The following PXDN variants were observed in gnomAD, a reference collection of about 807,000 sequenced individuals.
PXDN encodes the protein peroxidasin homolog.
Under a neutral mutation model 140.3 loss-of-function variants are expected in PXDN, and 77 were observed. That is an observed-to-expected ratio of 0.55 (90% CI 0.46 to 0.66). The LOEUF (loss-of-function observed/expected upper bound fraction) is 0.66, where lower values mean the gene tolerates loss of function less well. Ranked by LOEUF, PXDN falls within the 30% of genes least tolerant of loss-of-function variation. PXDN has a pLI of 0.00. For synonymous variants in PXDN, 911 were observed against 857.4 expected (o/e 1.06, Z -1.09); for missense variants, 1,838 against 2,039.5 (o/e 0.90, Z 1.90).
intron 1 of PXDN, among the ~76,000 whole-genome samples, chr2:1,716,362 C>T (rs966847373): frequency 2.5e-4 from 35 of 140,112 alleles, no homozygotes; most frequent in African/African-American, 6.6e-4. Flanking sequence ...CACTTGAACC[C>T]GGGAGGTGGA....
At chr2:1,644,585 G>A (rs752320605) in intron 18 of PXDN, 33 bp downstream of exon 18, 22 of 1,559,902 alleles carry the variant, frequency 1.4e-5, no homozygotes, top group Non-Finnish European at 1.7e-5. Flanking sequence ...GGTGGCTTAG[G>A]AGCGTGCTCC....
chr2:1,705,988 A>C (rs1684596159), intron 1 of PXDN, among the ~76,000 whole-genome samples: 1 of 115,984 alleles, frequency 8.6e-6, no homozygotes, highest in Non-Finnish European at 1.7e-5. Flanking sequence ...TCAGGCATCC[A>C]TGTGGCTTGG....
intron 1 of PXDN, among the ~76,000 whole-genome samples, chr2:1,703,552 G>A (rs1270043440): frequency 4.5e-3 from 50 of 11,134 alleles, no homozygotes; most frequent in African/African-American, 5.7e-3. Flanking sequence ...AGGGGGGGCA[G>A]CTCCAGGTGA....
Position 1,680,334 on chromosome 2 carries a change from C to T in PXDN, c.589G>A (p.Asp197Asn), listed in dbSNP as rs760063762. The T allele has an allele frequency of 3.7e-6, 6 of 1,613,910 alleles. No homozygotes were observed. The highest frequency in any genetic ancestry group is 2.7e-5 in the African/African-American group (2 of 74,930). Residue 197 changes from aspartate to asparagine, a missense_variant, in exon 7 of 23, where the codon GAC (aspartate) becomes AAC (asparagine). Asp to Asn is a conservative substitution (Grantham distance 23). Transcript: ENST00000252804. The stretch of plus-strand genomic sequence containing the variant: ...TCCGCCAACCACAGGATTTCACAGT[C>T]GCAGTGAAGTGTGTTTGAGTCCAGT... ...LRLDSNTLHC[D>N]CEILWLADLL...
At chr2:1,680,117 A>AGGTGGTGTGTGTGTG (rs1683855000) in intron 7 of PXDN, 76 bp downstream of exon 7, 12 of 1,385,628 alleles carry the variant, frequency 8.7e-6, no homozygotes, top group African/African-American at 2.9e-5. Context: ...TTGTGTGTGT[A>AGGTGGTGTGTGTGTG]GATGGTGTGT....
At chr2:1,681,730 C>G (rs796925293) in intron 6 of PXDN, among the ~76,000 whole-genome samples, 8 of 152,338 alleles carry the variant, frequency 5.3e-5, no homozygotes, top group African/African-American at 1.9e-4. Flanking sequence ...CAGCCACGTG[C>G]CCAGGGCACC....
rs1401106372 is a variant in PXDN at position 1,635,449 on chromosome 2, T to C, written c.4279A>G (p.Thr1427Ala). 1 of 1,601,524 alleles carries C rather than the reference T, an allele frequency of 6.2e-7. No individual in the cohort carries two copies. Among genetic ancestry groups the C allele is most frequent in the Non-Finnish European group, 8.5e-7 (1 of 1,173,502 alleles). The change falls in exon 22 of 23, where the codon ACC (threonine) becomes GCC (alanine). Residue 1427 changes from threonine to alanine, a missense_variant. Thr to Ala is a moderately conservative substitution (Grantham distance 58, BLOSUM62 0). Around this residue, in one of 5 missense-constraint regions of PXDN, gnomAD observed 850 missense variants for 894.1 expected, o/e 0.95. Transcript: ENST00000252804. ...GTGCATGCATCTTTTTTCCACTTGGTGTTGTTGGCGTGAGATTCGCCCCCG... is the reference window on the plus strand; with the variant it reads ...GTGCATGCATCTTTTTTCCACTTGGCGTTGTTGGCGTGAGATTCGCCCCCG... Reference protein sequence around the residue: ...DAGGESHANNTKWKKDACTIC... With the variant: ...DAGGESHANNAKWKKDACTIC...
intron 1 of PXDN, among the ~76,000 whole-genome samples, chr2:1,742,553 C>T (rs533990420): frequency 4.6e-5 from 7 of 152,344 alleles, no homozygotes; most frequent in Admixed American, 4.6e-4. Flanking sequence ...ATGTTATTTT[C>T]AACAAGCAAT....
intron 1 of PXDN, among the ~76,000 whole-genome samples, chr2:1,697,904 G>A (rs1455809997): frequency 2.0e-5 from 3 of 152,234 alleles, no homozygotes; most frequent in African/African-American, 7.2e-5. Context: ...TTGGCATGAT[G>A]AGCATGGAGA....
Position 1,651,237 on chromosome 2 carries a change from A to G in PXDN, c.2105-1562T>C, listed in dbSNP as rs761666456. Among the ~76,000 whole-genome samples, 10 of 152,184 alleles carry G rather than the reference A, an allele frequency of 6.6e-5. No homozygotes were observed. The highest frequency in any genetic ancestry group is 9.7e-5 in the African/African-American group (4 of 41,446). On this transcript the variant is annotated intron_variant, in intron 16 of 22. Coordinates refer to ENST00000252804, the MANE Select transcript of PXDN (RefSeq NM_012293.3). This position sits in a 1 kb window ranked among gnomAD's most constrained non-coding sequence, Gnocchi z 4.4. The stretch of plus-strand genomic sequence containing the variant: ...GCCAGGAGGAAAAGCACTTCCTCCC[A>G]AATGCCTGGCTGGGCTGTGGGGCTG...
At chr2:1,716,788 C>A (rs1558524030) in intron 1 of PXDN, among the ~76,000 whole-genome samples, 1 of 152,206 alleles carries the variant, frequency 6.6e-6, no homozygotes, top group South Asian at 2.1e-4. Context: ...TCCAGACACA[C>A]CTGTTTGACC....
chr2:1,684,007 C>T, intron 5 of PXDN, 73 bp downstream of exon 5: 1 of 1,396,682 alleles, frequency 7.2e-7, no homozygotes, highest in Non-Finnish European at 9.8e-7. Flanking sequence ...AGATATTGAC[C>T]TTAATCTAAC....
At chr2:1,665,384 C>T (rs1222000709) in intron 10 of PXDN, among the ~76,000 whole-genome samples, 4 of 152,202 alleles carry the variant, frequency 2.6e-5, no homozygotes, top group Admixed American at 2.0e-4. Context: ...CGACTTACAA[C>T]GATTCCTCTC....
rs903010417 is a variant in PXDN, at chr2:1,638,960, T to C, written c.4092A>G (p.Glu1364=). ...RKIPSVGRQG[E]HLSNSTSAFS... ...AGGCTGAGGTGCTGTTGCTGAGATG[T>C]TCCCCCTGTCTCCCAACACTGTGGT... Residue 1364 remains glutamate, a synonymous_variant, in exon 21 of 23, where the codon GAA becomes GAG. Transcript: ENST00000252804. 8.1e-6 allele frequency: 13 copies of C among 1,614,004 alleles called. No individual in the cohort carries two copies. The highest frequency in any genetic ancestry group is 5.5e-5 in the South Asian group (5 of 91,078).
At position 1,658,067 on chromosome 2, in the gene PXDN, T is replaced by TCCCC. The variant is rs1553359675; in HGVS notation, c.1837+2813_1837+2814insGGGG. 2.5e-4 allele frequency among the ~76,000 whole-genome samples: 20 copies of TCCCC among 78,712 alleles called. 2 individuals are homozygous for TCCCC. Among genetic ancestry groups the TCCCC allele is most frequent in the East Asian group, 2.2e-3 (6 of 2,782 alleles). The allele number at this position is 78,712 out of a possible 152,430, so 51.6% of individuals were successfully genotyped here. A position where few individuals can be genotyped will look rare whatever the true frequency, so the allele number is the denominator to read the frequency against. ...CTCTCTCTCTCTCTCTCTCTCTCTC[T>TCCCC]CTCTCTCTCTCTCTCTCTCTCTCTC... On this transcript the variant is annotated intron_variant, in intron 14 of 22. Transcript: ENST00000252804.
rs773022517 is a variant in PXDN, at chr2:1,638,967, T to C, written c.4085A>G (p.Gln1362Arg). The change falls in exon 21 of 23, where the codon CAG (glutamine) becomes CGG (arginine). Residue 1362 changes from glutamine to arginine, a missense_variant. Gln to Arg is a conservative substitution (Grantham distance 43). Transcript: ENST00000252804. ...GGTGCTGTTGCTGAGATGTTCCCCC[T>C]GTCTCCCAACACTGTGGTGAGGGGA... ...RPRKIPSVGR[Q>R]GEHLSNSTSA... The C allele has an allele frequency of 2.5e-6, 4 of 1,613,858 alleles. No homozygotes were observed. Among genetic ancestry groups the C allele is most frequent in the Non-Finnish European group, 3.4e-6 (4 of 1,179,862 alleles).
chr2:1,736,448 A>G (rs1469207163), intron 1 of PXDN, among the ~76,000 whole-genome samples: 1 of 152,172 alleles, frequency 6.6e-6, no homozygotes, highest in Non-Finnish European at 1.5e-5. Flanking sequence ...GAACACACAC[A>G]ACATTTAGAT....
chr2:1,668,505 G>A (rs997876288), intron 9 of PXDN, among the ~76,000 whole-genome samples: 5 of 151,498 alleles, frequency 3.3e-5, no homozygotes, highest in Non-Finnish European at 4.4e-5. Context: ...TATCGTCAGA[G>A]TGAACAGGCA....
chr2:1,648,348 G>A lies in PXDN; in HGVS notation c.3432C>T (p.Phe1144=), dbSNP rs776044550. Residue 1144 remains phenylalanine (F), a synonymous_variant, in exon 17 of 23, where the codon TTC becomes TTT. Coordinates refer to ENST00000252804, the MANE Select transcript of PXDN (RefSeq NM_012293.3). The surrounding 1 kb of genome is among the most constrained non-coding windows in gnomAD (Gnocchi z 8.9). ...LLNTELTERL[F]SMAHTVALDL... Reference sequence around the variant, plus strand: ...CCAGAGCCACCGTGTGTGCCATGGAGAACAGCCGCTCCGTGAGCTCCGTGT... The same window carrying A: ...CCAGAGCCACCGTGTGTGCCATGGAAAACAGCCGCTCCGTGAGCTCCGTGT... 5 of 1,613,720 alleles carry A rather than the reference G, an allele frequency of 3.1e-6. No individual in the cohort carries two copies. The highest frequency in any genetic ancestry group is 4.2e-6 in the Non-Finnish European group (5 of 1,179,912).
Sources: gnomAD v4.1 joint callset for allele counts (sites outside exome capture counted in the v4.1 genomes callset) on GRCh38, gnomAD v4.1.1 for gene constraint, gnomAD v4.1.1 regional missense constraint, Gnocchi (gnomAD v3.1) non-coding constraint, MANE v1.5 for transcripts, NCBI Gene and HGNC (gene_info 2026-07-23, HGNC 2026-07-21) for gene names.